Variants in TMEM260 observed in about 807,000 individuals in gnomAD.
TMEM260 encodes protein O-mannosyl-transferase TMEM260.
Under a neutral mutation model 88.9 loss-of-function variants are expected in TMEM260, and 82 were observed. That is an observed-to-expected ratio of 0.92 (90% CI 0.77 to 1.11). The LOEUF is 1.11. TMEM260 is among the 50% of genes least tolerant of loss of function. TMEM260 has a pLI of 0.00. For missense variants in TMEM260, 902 were observed against 853.4 expected, an observed-to-expected ratio of 1.06 and a Z score of -0.71; for synonymous variants, 314 against 309.3, an observed-to-expected ratio of 1.02 and a Z score of -0.16.
At chr14:56,622,334 C>T (rs1165719488) in intron 11 of TMEM260, among the ~76,000 whole-genome samples, 2 of 115,122 alleles carry the variant, frequency 1.7e-5, no homozygotes, top group African/African-American at 6.5e-5. Context: ...CAGGGCGAGA[C>T]TCCGTCTCAA....
intron 3 of TMEM260, among the ~76,000 whole-genome samples, chr14:56,588,785 A>C (rs900618722): frequency 1.3e-5 from 2 of 151,938 alleles, no homozygotes; most frequent in African/African-American, 4.8e-5. Flanking sequence ...AGTACATTTC[A>C]TTTATATGAA....
intron 15 of TMEM260, 34 bp from the exon 16 acceptor site, chr14:56,647,209 A>G (rs973944171): frequency 1.1e-5 from 17 of 1,549,140 alleles, no homozygotes; most frequent in Non-Finnish European, 1.5e-5. Flanking sequence ...TCAAAGAATA[A>G]CAATGGAATA....
rs568089192 is a variant in TMEM260 at position 56,636,492 on chromosome 14, C to G, written c.1779-16C>G. The G allele has an allele frequency of 8.7e-6, 14 of 1,611,536 alleles. No individual in the cohort carries two copies. The highest frequency in any genetic ancestry group is 1.2e-5 in the Non-Finnish European group (14 of 1,177,776). ...GACTGTATGATTTTAATGAAGGTTC[C>G]TATCCCCACCCCCAGGATGAAAACA... On this transcript the variant is annotated splice_polypyrimidine_tract_variant and intron_variant, in intron 14 of 15. Transcript: ENST00000261556.
At chr14:56,580,548 A>G (rs1885060328) in intron 1 of TMEM260, among the ~76,000 whole-genome samples, 1 of 152,182 alleles carries the variant, frequency 6.6e-6, no homozygotes, top group African/African-American at 2.4e-5. Context: ...GGAGGGAAAT[A>G]TGATTGAGAG....
intron 14 of TMEM260, among the ~76,000 whole-genome samples, chr14:56,635,686 G>C (rs1888995128): frequency 6.6e-6 from 1 of 152,160 alleles, no homozygotes; most frequent in African/African-American, 2.4e-5. Flanking sequence ...GGAGTATCTT[G>C]TACATAAGGA....
intron 15 of TMEM260, 39 bp from the exon 16 acceptor site, chr14:56,647,200 CAAAG>C (rs1289056231): frequency 4.6e-6 from 7 of 1,512,164 alleles, no homozygotes; most frequent in Admixed American, 2.3e-5. Context: ...AAAAAAAAGT[CAAAG>C]AATAACAATG....
chr14:56,615,947 TCA>T lies in TMEM260; in HGVS notation c.862_863del (p.Gln288SerfsTer90). 1 of 1,611,656 alleles carries T rather than the reference TCA, an allele frequency of 6.2e-7. No individual in the cohort carries two copies. The highest frequency in any genetic ancestry group is 1.7e-5 in the Admixed American group (1 of 59,964). ...GSSMSEILLS[Q>X]VTNMRTELSF... ...TAAGTTAGATTGTTTTTTGCAGTTC[TCA>T]AGTAACAAATATGAGGACCGAACTC... On this transcript the variant is annotated frameshift_variant, in exon 8 of 16. Transcript: ENST00000261556. LOFTEE classifies it high-confidence loss of function.
chr14:56,620,808 T>A lies in TMEM260; in HGVS notation c.1227-723T>A, dbSNP rs113784748. 1.7e-3 allele frequency among the ~76,000 whole-genome samples: 263 copies of A among 152,330 alleles called. 1 individual carries two copies. The highest frequency in any genetic ancestry group is 6.1e-3 in the African/African-American group (254 of 41,568). The stretch of plus-strand genomic sequence containing the variant: ...GCTTGTCTCATTTTTTGATACTAAT[T>A]ACTGTTTTGTCATCTTTTTCTTTTT... On this transcript the variant is annotated intron_variant, in intron 10 of 15. Coordinates refer to ENST00000261556, the MANE Select transcript of TMEM260 (RefSeq NM_017799.4).
At chr14:56,635,945 C>G (rs1001162158) in intron 14 of TMEM260, among the ~76,000 whole-genome samples, 2 of 152,034 alleles carry the variant, frequency 1.3e-5, no homozygotes, top group Non-Finnish European at 2.9e-5. Flanking sequence ...CAAATTCTTA[C>G]TTTAAGGAAC....
At chr14:56,610,303 C>T (rs181207669) in intron 6 of TMEM260, among the ~76,000 whole-genome samples, 74 of 151,982 alleles carry the variant, frequency 4.9e-4, no homozygotes, top group Admixed American at 9.8e-4. Flanking sequence ...TGCAGTGGCG[C>T]GATCTCAGCT....
chr14:56,661,224 C>CTAG, the TMEM260 span, among the ~76,000 whole-genome samples: 1,055 of 152,104 alleles, frequency 6.9e-3, 10 homozygotes, highest in South Asian at 0.025. Flanking sequence ...TGGTCGCCAC[C>CTAG]CCTCCTCCTC....
chr14:56,642,761 A>AG (rs1347889244), intron 15 of TMEM260, among the ~76,000 whole-genome samples: 1 of 152,242 alleles, frequency 6.6e-6, no homozygotes, highest in Non-Finnish European at 1.5e-5. Flanking sequence ...ATAGACCACT[A>AG]GCAAGACTAA....
the TMEM260 span, among the ~76,000 whole-genome samples, chr14:56,658,247 T>G: frequency 2.6e-5 from 4 of 151,926 alleles, no homozygotes; most frequent in African/African-American, 9.7e-5. Context: ...CAATTTAATT[T>G]TTTTGTTTGT....
intron 3 of TMEM260, among the ~76,000 whole-genome samples, chr14:56,602,471 A>G (rs1303817471): frequency 6.6e-6 from 1 of 152,158 alleles, no homozygotes; most frequent in African/African-American, 2.4e-5. Flanking sequence ...TCCCTCAAGC[A>G]GCGGAGAGTC....
At chr14:56,620,510 C>T (rs1165095305) in intron 10 of TMEM260, among the ~76,000 whole-genome samples, 2 of 152,188 alleles carry the variant, frequency 1.3e-5, no homozygotes, top group Non-Finnish European at 2.9e-5. Context: ...AGGTTCGACA[C>T]CAGACATATT....
chr14:56,645,225 C>CA (rs982195175), intron 15 of TMEM260, among the ~76,000 whole-genome samples: 1 of 130,408 alleles, frequency 7.7e-6, no homozygotes, highest in African/African-American at 2.5e-5. Flanking sequence ...TTCACAATAG[C>CA]AAAGACTTGG....
rs143592775 is a variant in TMEM260 at position 56,603,888 on chromosome 14, T to C, written c.418T>C (p.Ser140Pro). The C allele has an allele frequency of 2.5e-6, 4 of 1,613,844 alleles. No individual in the cohort carries two copies. Among genetic ancestry groups the C allele is most frequent in the Non-Finnish European group, 3.4e-6 (4 of 1,179,896 alleles). ...ATTTTCTCGTCTAACATGGCAGTGG[T>C]CCATTGCAGCAGAGGTTTTTAGCTT... ...FSFSRLTWQW[S>P]IAAEVFSLNN... The change falls in exon 4 of 16, where the codon TCC becomes CCC. Residue 140 changes from serine to proline, a missense_variant. Ser to Pro is a moderately conservative substitution (Grantham distance 74, BLOSUM62 -1). Coordinates refer to ENST00000261556, the MANE Select transcript of TMEM260 (RefSeq NM_017799.4).
chr14:56,615,140 TCA>T (rs1284214271), intron 7 of TMEM260, among the ~76,000 whole-genome samples: 20 of 152,222 alleles, frequency 1.3e-4, no homozygotes, highest in Admixed American at 1.2e-3. Context: ...GGATATCTTC[TCA>T]TAGTAGATGA....
intron 1 of TMEM260, among the ~76,000 whole-genome samples, chr14:56,583,262 CTATT>C (rs1342182319): frequency 4.6e-5 from 7 of 152,260 alleles, no homozygotes; most frequent in African/African-American, 1.2e-4. Flanking sequence ...AGACCATAAA[CTATT>C]TAAAAAGAAG....
Sources: allele counts gnomAD v4.1 joint callset (sites outside exome capture counted in the v4.1 genomes callset), GRCh38; gene constraint gnomAD v4.1.1; transcripts MANE v1.5; gene names NCBI Gene and HGNC (gene_info 2026-07-23, HGNC 2026-07-21).